The following TBC1D5 variants were observed in gnomAD, a reference collection of about 807,000 sequenced individuals.
TBC1D5 encodes TBC1 domain family member 5, also known as TBC1 domain family, member 5.
TBC1D5 carries 75 observed loss-of-function variants against 100.3 expected under a neutral mutation model. The ratio of observed to expected loss-of-function variants is 0.75; its 90% CI spans 0.62 to 0.91. The LOEUF is 0.91. Among genes scored for constraint, TBC1D5 ranks in the 40% least tolerant of loss-of-function variants. The pLI is 0.00. For synonymous variants in TBC1D5, 323 were observed against 325.6 expected (o/e 0.99, Z 0.09); for missense variants, 910 against 942.4 (o/e 0.97, Z 0.45).
chr3:17,446,795 C>T lies in TBC1D5; in HGVS notation c.98-18276G>A, dbSNP rs561404437. ...GACCATCCTGGCGAACACGGTGAAACCCCGTCTCTAGTGAAAATACAAAAA... is the reference window on the plus strand; with the variant it reads ...GACCATCCTGGCGAACACGGTGAAATCCCGTCTCTAGTGAAAATACAAAAA... On this transcript the variant is annotated intron_variant, in intron 3 of 21. Coordinates refer to ENST00000253692, the Ensembl canonical transcript of TBC1D5. Among the ~76,000 whole-genome samples the T allele has an allele frequency of 7.9e-5, 12 of 152,170 alleles. No individual in the cohort carries two copies. In the East Asian group the frequency reaches 2.3e-3, roughly 29 times the overall value.
At chr3:17,186,396 T>C (rs2069076117) in intron 18 of TBC1D5, among the ~76,000 whole-genome samples, 1 of 152,068 alleles carries the variant, frequency 6.6e-6, no homozygotes, top group Admixed American at 6.6e-5. Flanking sequence ...GGAATAGGCA[T>C]TGAAACACTG....
chr3:17,592,289 CATT>C (rs2060278084), intron 2 of TBC1D5, among the ~76,000 whole-genome samples: 1 of 152,188 alleles, frequency 6.6e-6, no homozygotes, highest in Non-Finnish European at 1.5e-5. Flanking sequence ...ACATTGATGA[CATT>C]ATGCTCACTG....
At chr3:17,180,057 T>C (rs952225527) in intron 19 of TBC1D5, among the ~76,000 whole-genome samples, 11 of 152,324 alleles carry the variant, frequency 7.2e-5, no homozygotes, top group Non-Finnish European at 1.6e-4. Context: ...AGATTAATAC[T>C]GTCAATGGCT....
At chr3:17,620,004 T>C (rs1190324938) in intron 2 of TBC1D5, among the ~76,000 whole-genome samples, 1 of 152,232 alleles carries the variant, frequency 6.6e-6, no homozygotes, top group Non-Finnish European at 1.5e-5. Context: ...AGTTTCACCA[T>C]GCACTCTGTT....
intron 2 of TBC1D5, among the ~76,000 whole-genome samples, chr3:17,589,207 G>T (rs1181793370): frequency 2.0e-5 from 3 of 152,176 alleles, no homozygotes; most frequent in Non-Finnish European, 2.9e-5. Context: ...AAACATGGGG[G>T]TCTCACTTGG....
At chr3:17,662,980 A>AGCACT (rs1359357148) in intron 1 of TBC1D5, 2 of 152,328 alleles carry the variant, frequency 1.3e-5, no homozygotes, top group Non-Finnish European at 2.9e-5. Flanking sequence ...TGGAATGAAC[A>AGCACT]GCACTGTACC....
chr3:17,518,183 C>T (rs959972163), intron 2 of TBC1D5, among the ~76,000 whole-genome samples: 3 of 152,066 alleles, frequency 2.0e-5, no homozygotes, highest in Non-Finnish European at 4.4e-5. Context: ...GGTGGGTCCC[C>T]GACAAAACCC....
intron 1 of TBC1D5, among the ~76,000 whole-genome samples, chr3:17,707,145 A>G (rs1464644586): frequency 6.6e-6 from 1 of 152,082 alleles, no homozygotes; most frequent in East Asian, 1.9e-4. Context: ...GATATCATGA[A>G]TAGTTATTAT....
chr3:17,389,269 C>G (rs1177643449), intron 8 of TBC1D5, among the ~76,000 whole-genome samples: 1 of 152,056 alleles, frequency 6.6e-6, no homozygotes, highest in Non-Finnish European at 1.5e-5. Flanking sequence ...GATTCAGGTT[C>G]AAGTTTTCAA....
At chr3:17,387,666 CT>C (rs1051590365) in intron 8 of TBC1D5, among the ~76,000 whole-genome samples, 41 of 151,790 alleles carry the variant, frequency 2.7e-4, no homozygotes, top group African/African-American at 9.9e-4. Flanking sequence ...TTATTTACCC[CT>C]TGCTAGATGG....
At chr3:17,686,431 C>T (rs571782547) in intron 1 of TBC1D5, among the ~76,000 whole-genome samples, 9 of 150,360 alleles carry the variant, frequency 6.0e-5, no homozygotes, top group African/African-American at 1.9e-4. Context: ...CAATATAGTA[C>T]GCTTGAAGAG....
intron 15 of TBC1D5, among the ~76,000 whole-genome samples, chr3:17,278,777 T>TC (rs1419061550): frequency 6.6e-6 from 1 of 152,254 alleles, no homozygotes; most frequent in African/African-American, 2.4e-5. Flanking sequence ...ATAAAATTTC[T>TC]ATATTCCTTA....
intron 16 of TBC1D5, among the ~76,000 whole-genome samples, chr3:17,255,184 A>G (rs1464178820): frequency 6.6e-6 from 1 of 152,118 alleles, no homozygotes; most frequent in Admixed American, 6.5e-5. Flanking sequence ...GGCAAGAGAC[A>G]GAATGGCCAC....
At chr3:17,166,744 C>T in intron 21 of TBC1D5, 23 bp downstream of exon 22, 1 of 1,592,600 alleles carries the variant, frequency 6.3e-7, no homozygotes. Flanking sequence ...GTTAATGTAA[C>T]ATGTTCCTCA....
At chr3:17,284,089 TAC>T (rs58307801) in intron 15 of TBC1D5, among the ~76,000 whole-genome samples, 1,751 of 132,704 alleles carry the variant, frequency 0.013, 34 homozygotes, top group African/African-American at 0.042. Flanking sequence ...CTCATTATTT[TAC>T]ACACACACAC....
intron 2 of TBC1D5, among the ~76,000 whole-genome samples, chr3:17,619,992 G>A (rs1413663344): frequency 6.6e-6 from 1 of 152,164 alleles, no homozygotes; most frequent in Non-Finnish European, 1.5e-5. Context: ...GGCAAAAATG[G>A]AAGTTTCACC....
intron 2 of TBC1D5, among the ~76,000 whole-genome samples, chr3:17,563,884 G>A (rs908379667): frequency 6.6e-6 from 1 of 152,292 alleles, no homozygotes; most frequent in Middle Eastern, 3.4e-3. Context: ...CTGGCTTCAC[G>A]CCATTCTCCT....
At chr3:17,470,527 T>TA (rs1298318582) in intron 3 of TBC1D5, among the ~76,000 whole-genome samples, 1 of 152,254 alleles carries the variant, frequency 6.6e-6, no homozygotes, top group Non-Finnish European at 1.5e-5. Flanking sequence ...ATTGGTGTTA[T>TA]AAAGAGCTTT....
chr3:17,400,665 T>C (rs1489481004), intron 8 of TBC1D5, among the ~76,000 whole-genome samples: 2 of 152,042 alleles, frequency 1.3e-5, no homozygotes, highest in Non-Finnish European at 2.9e-5. Context: ...TTTGAGTCAG[T>C]GGACTCAGAG....
Sources: gnomAD v4.1 joint callset for allele counts (sites outside exome capture counted in the v4.1 genomes callset) on GRCh38, gnomAD v4.1.1 for gene constraint, MANE v1.5 for transcripts, NCBI Gene and HGNC (gene_info 2026-07-23, HGNC 2026-07-21) for gene names.